The following RB1CC1 variants were observed in gnomAD, a reference collection of about 807,000 sequenced individuals.
The protein encoded by RB1CC1 is RB1 inducible coiled-coil 1.
Under a neutral mutation model 177.5 loss-of-function variants are expected in RB1CC1, and 46 were observed. The observed-to-expected ratio is 0.26, with a 90% CI of 0.20 to 0.33. RB1CC1 has a LOEUF of 0.33. Ranked by LOEUF, RB1CC1 falls within the 10% of genes least tolerant of loss-of-function variation. The pLI is 1.00. For synonymous variants in RB1CC1, 666 were observed against 613.6 expected (o/e 1.09, Z -1.26); for missense variants, 1,703 against 1,816.3 (o/e 0.94, Z 1.13).
intron 5 of RB1CC1, among the ~76,000 whole-genome samples, chr8:52,681,196 C>A (rs1381227703): frequency 6.6e-6 from 1 of 151,812 alleles, no homozygotes; most frequent in Non-Finnish European, 1.5e-5. Context: ...CAGGGTTTCA[C>A]CATATTAGTC....
At chr8:52,699,035 G>GA (rs1194686656) in intron 1 of RB1CC1, among the ~76,000 whole-genome samples, 1 of 151,844 alleles carries the variant, frequency 6.6e-6, no homozygotes, top group Non-Finnish European at 1.5e-5. Context: ...CAGAGGAAAG[G>GA]AAAAAAATCT....
intron 8 of RB1CC1, among the ~76,000 whole-genome samples, chr8:52,665,979 T>A (rs1437024700): frequency 2.0e-5 from 3 of 152,122 alleles, no homozygotes; most frequent in Admixed American, 2.0e-4. Context: ...ATCCTATGAT[T>A]AGGGGTAAAC....
intron 1 of RB1CC1, among the ~76,000 whole-genome samples, chr8:52,687,504 T>C (rs956614234): frequency 1.3e-5 from 2 of 152,224 alleles, no homozygotes; most frequent in African/African-American, 4.8e-5. Flanking sequence ...ATCATGTAGG[T>C]AATCGTTACT....
intron 1 of RB1CC1, among the ~76,000 whole-genome samples, chr8:52,702,112 C>G (rs1856132011): frequency 6.6e-6 from 1 of 152,096 alleles, no homozygotes; most frequent in African/African-American, 2.4e-5. Flanking sequence ...ACAGCCAAAA[C>G]TATCTATTTC....
intron 8 of RB1CC1, among the ~76,000 whole-genome samples, chr8:52,665,350 TG>T (rs1851977966): frequency 6.6e-6 from 1 of 152,192 alleles, no homozygotes; most frequent in African/African-American, 2.4e-5. Context: ...TCTTACTTAC[TG>T]GAAGTGTTGA....
rs553080043 is a variant in RB1CC1, at chr8:52,657,578, T to C, written c.2251A>G (p.Ile751Val). ...ATTTCTGGGCTTTGTGGATCACTTA[T>C]AGGATTAGGAGACGACAAATTTTCT... ...IEENLSSPNP[I>V]SDPQSPEMMV... The change falls in exon 15 of 24, where the codon ATA (isoleucine) becomes GTA (valine). Residue 751 changes from isoleucine to valine, a missense_variant. Ile to Val is a conservative substitution (Grantham distance 29). Transcript: ENST00000025008. 1.8e-5 allele frequency: 29 copies of C among 1,614,066 alleles called. No individual in the cohort carries two copies. The highest frequency in any genetic ancestry group is 1.6e-4 in the Middle Eastern group (1 of 6,062).
At chr8:52,677,394 G>A (rs1392098761) in intron 5 of RB1CC1, among the ~76,000 whole-genome samples, 2 of 152,274 alleles carry the variant, frequency 1.3e-5, no homozygotes, top group South Asian at 4.1e-4. Context: ...AGCACTATTG[G>A]TTAAGAACAA....
chr8:52,634,234 G>A (rs1240211262), intron 20 of RB1CC1, among the ~76,000 whole-genome samples: 1 of 151,930 alleles, frequency 6.6e-6, no homozygotes, highest in Non-Finnish European at 1.5e-5. Flanking sequence ...TAAGATTCAT[G>A]AAAAGGGCTG....
At chr8:52,634,792 C>T (rs761915230) in intron 20 of RB1CC1, 129 bp downstream of exon 20, 10 of 752,108 alleles carry the variant, frequency 1.3e-5, no homozygotes, top group South Asian at 4.0e-5. Flanking sequence ...ATGACCAACA[C>T]GGACCAACAA....
intron 5 of RB1CC1, among the ~76,000 whole-genome samples, chr8:52,679,735 G>T (rs1685619193): frequency 6.6e-6 from 1 of 152,150 alleles, no homozygotes; most frequent in African/African-American, 2.4e-5. Context: ...CACTATTGCA[G>T]ACATTTAGCA....
rs184065993 is a variant in RB1CC1 at position 52,698,821 on chromosome 8, C to T, written c.-166-11854G>A. ...TTCTCCTGCCTCAGCCTCGGAGTAG[C>T]TGGGACTACAGGCGCCTGCCACCAC... On this transcript the variant is annotated intron_variant, in intron 1 of 23. Transcript: ENST00000025008. Among the ~76,000 whole-genome samples the T allele has an allele frequency of 5.4e-3, 813 of 150,374 alleles. 7 individuals are homozygous for T. Among genetic ancestry groups the T allele is most frequent in the African/African-American group, 0.019 (781 of 40,864 alleles).
intron 7 of RB1CC1, among the ~76,000 whole-genome samples, chr8:52,672,971 C>G (rs1430950243): frequency 6.6e-6 from 1 of 152,148 alleles, no homozygotes; most frequent in Non-Finnish European, 1.5e-5. Flanking sequence ...AGAATGTCAT[C>G]AAGAAACTGG....
chr8:52,680,999 T>G (rs1054162573), intron 5 of RB1CC1, among the ~76,000 whole-genome samples: 3 of 148,150 alleles, frequency 2.0e-5, no homozygotes, highest in East Asian at 2.0e-4. Flanking sequence ...TGTGTGTTTT[T>G]TTTTTTTTTT....
rs765818690 is a variant in RB1CC1 at position 52,661,611 on chromosome 8, T to C, written c.1282A>G (p.Arg428Gly). 6.2e-7 allele frequency: 1 copy of C among 1,612,976 alleles called. No individual in the cohort carries two copies. Among genetic ancestry groups the C allele is most frequent in the South Asian group, 1.1e-5 (1 of 90,956 alleles). Residue 428 changes from arginine (R) to glycine (G), a missense_variant, in exon 9 of 24, where the codon AGA becomes GGA. Coordinates refer to ENST00000025008, the MANE Select transcript of RB1CC1 (RefSeq NM_014781.5). ...TTCTGCTTAATATCTAACAGTTTTC[T>C]ATGATTTTGCAACATAATCATCAAC... ...NQLMIMLQNH[R>G]KLLDIKQKCT...
At chr8:52,677,580 A>G (rs544347428) in intron 5 of RB1CC1, among the ~76,000 whole-genome samples, 1 of 152,222 alleles carries the variant, frequency 6.6e-6, no homozygotes, top group African/African-American at 2.4e-5. Context: ...AGAAAATGTC[A>G]TAAGGTGGAA....
rs1852850944 is a variant in RB1CC1 at position 52,674,080 on chromosome 8, G to A, written c.767C>T (p.Thr256Ile). ...ATGTTCCACTGACTTGGGAAATGAG[G>A]TTAACAAAGATTCGTTAGTTGTTCT... ...MPRTTNESLLTSFPKSVEHVS... is the reference protein window; with the variant it reads ...MPRTTNESLLISFPKSVEHVS... The change falls in exon 7 of 24, where the codon ACC becomes ATC. Residue 256 changes from threonine (T) to isoleucine (I), a missense_variant. Around this residue, in one of 6 missense-constraint regions of RB1CC1, gnomAD observed 315 missense variants for 304.9 expected, o/e 1.03. Transcript: ENST00000025008. 1 of 1,614,108 alleles carries A rather than the reference G, an allele frequency of 6.2e-7. No individual in the cohort carries two copies. Among genetic ancestry groups the A allele is most frequent in the Non-Finnish European group, 8.5e-7 (1 of 1,179,978 alleles).
At chr8:52,655,451 A>C (rs533842939) in intron 15 of RB1CC1, among the ~76,000 whole-genome samples, 1 of 152,272 alleles carries the variant, frequency 6.6e-6, no homozygotes, top group African/African-American at 2.4e-5. Context: ...TAACAATAAT[A>C]AACATGTAAA....
intron 18 of RB1CC1, among the ~76,000 whole-genome samples, chr8:52,637,070 T>C (rs1352201142): frequency 6.6e-6 from 1 of 152,188 alleles, no homozygotes; most frequent in Non-Finnish European, 1.5e-5. Flanking sequence ...CTCTTGCAAT[T>C]CCATATGAAT....
intron 22 of RB1CC1, among the ~76,000 whole-genome samples, chr8:52,626,942 C>A (rs1848438491): frequency 6.6e-6 from 1 of 152,160 alleles, no homozygotes; most frequent in Non-Finnish European, 1.5e-5. Flanking sequence ...CTAGTCCCAG[C>A]TACTCAGGAG....
Sources: allele counts gnomAD v4.1 joint callset (sites outside exome capture counted in the v4.1 genomes callset), GRCh38; gene constraint gnomAD v4.1.1; regional missense constraint gnomAD v4.1.1; transcripts MANE v1.5; gene names NCBI Gene and HGNC (gene_info 2026-07-23, HGNC 2026-07-21).